The following HOMER2 variants were observed in gnomAD, a reference collection of about 807,000 sequenced individuals.
HOMER2 encodes the protein homer scaffold protein 2.
Under a neutral mutation model 47.0 loss-of-function variants are expected in HOMER2, and 27 were observed. The observed-to-expected ratio is 0.57, with a 90% CI of 0.42 to 0.79. The LOEUF (loss-of-function observed/expected upper bound fraction) is 0.79, where lower values mean the gene tolerates loss of function less well. Among genes scored for constraint, HOMER2 ranks in the 30% least tolerant of loss-of-function variants. HOMER2 has a pLI of 0.00. For missense variants in HOMER2, 443 were observed against 435.0 expected, an observed-to-expected ratio of 1.02 and a Z score of -0.16; for synonymous variants, 161 against 163.8, an observed-to-expected ratio of 0.98 and a Z score of 0.13.
intron 1 of HOMER2, among the ~76,000 whole-genome samples, chr15:82,908,726 T>A (rs1374486238): frequency 6.6e-6 from 1 of 150,660 alleles, no homozygotes; most frequent in Non-Finnish European, 1.5e-5. Context: ...TTTCTTTTAG[T>A]CAGCTGTTTT....
intron 1 of HOMER2, among the ~76,000 whole-genome samples, chr15:82,950,810 T>C (rs2054489597): frequency 6.6e-6 from 1 of 152,246 alleles, no homozygotes; most frequent in Non-Finnish European, 1.5e-5. Context: ...AATTATTTTT[T>C]GACATTTTCT....
At chr15:82,897,499 T>C (rs1041583967) in intron 1 of HOMER2, among the ~76,000 whole-genome samples, 5 of 152,224 alleles carry the variant, frequency 3.3e-5, no homozygotes, top group African/African-American at 1.2e-4. Flanking sequence ...CTAGTGTTCA[T>C]GCCCTTATGG....
At chr15:82,972,445 T>C (rs951071102) in intron 1 of HOMER2, among the ~76,000 whole-genome samples, 1 of 152,116 alleles carries the variant, frequency 6.6e-6, no homozygotes, top group African/African-American at 2.4e-5. Flanking sequence ...TGGAAATAAA[T>C]AGAAAATTCT....
chr15:82,942,531 G>C (rs1033926571), intron 1 of HOMER2, among the ~76,000 whole-genome samples: 5 of 152,192 alleles, frequency 3.3e-5, no homozygotes, highest in Admixed American at 3.3e-4. Context: ...AAGCATCCTA[G>C]AGCCACCGAT....
At chr15:82,844,716 CAG>C (rs1021752529), downstream of HOMER2, 106 of 152,168 alleles carry the variant, frequency 7.0e-4, no homozygotes, top group African/African-American at 2.3e-3. Flanking sequence ...AAACAAAAAA[CAG>C]TACTCTTGGG....
downstream of HOMER2, chr15:82,836,942 T>C (rs1412338236): frequency 6.6e-6 from 1 of 152,276 alleles, no homozygotes; most frequent in East Asian, 1.9e-4. Flanking sequence ...ACCACAAAAG[T>C]AGCTGCTTAA....
upstream of HOMER2, among the ~76,000 whole-genome samples, chr15:82,954,833 C>A (rs2054571669): frequency 6.6e-6 from 1 of 152,054 alleles, no homozygotes; most frequent in South Asian, 2.1e-4. Flanking sequence ...GGCTGGAGTG[C>A]AGTGGCATGA....
At chr15:82,877,668 T>C (rs1359660900) in intron 2 of HOMER2, among the ~76,000 whole-genome samples, 1 of 152,200 alleles carries the variant, frequency 6.6e-6, no homozygotes, top group Non-Finnish European at 1.5e-5. Context: ...AGTACTGATG[T>C]TCATGTGCTA....
At chr15:82,876,454 A>T (rs913333957) in intron 2 of HOMER2, among the ~76,000 whole-genome samples, 1 of 152,242 alleles carries the variant, frequency 6.6e-6, no homozygotes, top group African/African-American at 2.4e-5. Context: ...GGGCAAAGAC[A>T]TCAAACAATT....
intron 2 of HOMER2, among the ~76,000 whole-genome samples, chr15:82,879,905 T>G (rs528977404): frequency 7.2e-5 from 11 of 152,116 alleles, no homozygotes; most frequent in Admixed American, 5.9e-4. Context: ...TTCCATACAA[T>G]GAAATACTAA....
Position 82,908,746 on chromosome 15 carries a change from T to TA in HOMER2, c.6-15906_6-15905insT, listed in dbSNP as rs199889444. ...TTTAGTCAGCTGTTTTGCTTTTTTT[T>TA]TAAAAAAAAAAAAAGATCAAACATG... On this transcript the variant is annotated intron_variant, in intron 1 of 8. Transcript: ENST00000450735. 2.7e-3 allele frequency among the ~76,000 whole-genome samples: 384 copies of TA among 142,762 alleles called. 6 individuals carry two copies. In the South Asian group the frequency reaches 0.06, roughly 22 times the overall value. The allele number at this position is 142,762 out of a possible 152,430, so 93.7% of individuals were successfully genotyped here. A position where few individuals can be genotyped will look rare whatever the true frequency, so the allele number is the denominator to read the frequency against.
At chr15:82,908,314 A>T (rs2053348132) in intron 1 of HOMER2, among the ~76,000 whole-genome samples, 1 of 152,226 alleles carries the variant, frequency 6.6e-6, no homozygotes, top group Non-Finnish European at 1.5e-5. Context: ...AAGCTTTATT[A>T]AACTTATAGG....
chr15:82,955,074 C>T (rs111268578), upstream of HOMER2, among the ~76,000 whole-genome samples: 111 of 152,244 alleles, frequency 7.3e-4, no homozygotes, highest in African/African-American at 2.5e-3. Context: ...CCGTGCCCGG[C>T]CCATTCTGTT....
At chr15:82,932,500 CAA>C (rs111788972) in intron 1 of HOMER2, among the ~76,000 whole-genome samples, 2 of 122,630 alleles carry the variant, frequency 1.6e-5, no homozygotes, top group Non-Finnish European at 1.7e-5. Context: ...GACTCTGTCT[CAA>C]AAAAAAAAAA....
At position 82,859,102 on chromosome 15, in the gene HOMER2, C is replaced by A. The variant is rs773729621; in HGVS notation, c.421G>T (p.Ala141Ser). 8.1e-6 allele frequency: 13 copies of A among 1,613,896 alleles called. No homozygotes were observed. The South Asian group carries it at 1.1e-4, about 14-fold the overall frequency. Reference sequence around the variant, plus strand: ...GTGTTGGCTGGACCGGCGTGAGAGGCCTTTTCATCGTCCGTCCCGTTGACA... The same window carrying A: ...GTGTTGGCTGGACCGGCGTGAGAGGACTTTTCATCGTCCGTCCCGTTGACA... Reference protein sequence around the residue: ...SSVNGTDDEKASHAGPANTHL... With the variant: ...SSVNGTDDEKSSHAGPANTHL... The change falls in exon 5 of 9, where the codon GCC becomes TCC. Residue 141 changes from alanine to serine, a missense_variant. Coordinates refer to ENST00000450735, the MANE Select transcript of HOMER2 (RefSeq NM_004839.4).
At chr15:82,869,197 A>G (rs1456453986) in intron 3 of HOMER2, among the ~76,000 whole-genome samples, 1 of 152,076 alleles carries the variant, frequency 6.6e-6, no homozygotes, top group Non-Finnish European at 1.5e-5. Context: ...AACTCACCCC[A>G]TAATTCCCTC....
At chr15:82,929,198 C>T (rs1454353220) in intron 1 of HOMER2, among the ~76,000 whole-genome samples, 1 of 152,086 alleles carries the variant, frequency 6.6e-6, no homozygotes, top group African/African-American at 2.4e-5. Flanking sequence ...CTGAATAATG[C>T]CTTCATAGAA....
chr15:82,899,530 CA>C (rs898543562), intron 1 of HOMER2, among the ~76,000 whole-genome samples: 1 of 152,226 alleles, frequency 6.6e-6, no homozygotes, highest in African/African-American at 2.4e-5. Context: ...AACTTACAAG[CA>C]TATTGGAGTT....
chr15:82,962,260 G>T (rs965903546), intron 1 of HOMER2, among the ~76,000 whole-genome samples: 6 of 151,802 alleles, frequency 4.0e-5, no homozygotes, highest in Admixed American at 6.6e-5. Context: ...AGCTACTCGG[G>T]AGGCTGAGGC....
Sources: gnomAD v4.1 joint callset for allele counts (sites outside exome capture counted in the v4.1 genomes callset) on GRCh38, gnomAD v4.1.1 for gene constraint, MANE v1.5 for transcripts, NCBI Gene and HGNC (gene_info 2026-07-23, HGNC 2026-07-21) for gene names.